NBR1: variants seen among roughly 807,000 people sequenced by gnomAD.
NBR1 encodes the protein next to BRCA1 gene 1 protein.
In NBR1, 59 loss-of-function variants were observed where a neutral mutation model predicts 115.5. The ratio of observed to expected loss-of-function variants is 0.51; its 90% CI spans 0.41 to 0.63. NBR1 has a LOEUF of 0.63. Ranked by LOEUF, NBR1 falls within the 30% of genes least tolerant of loss-of-function variation. NBR1 has a pLI of 0.00. For synonymous variants in NBR1, 373 were observed against 414.7 expected (o/e 0.90, Z 1.22); for missense variants, 1,043 against 1,150.5 (o/e 0.91, Z 1.35).
Position 43,196,602 on chromosome 17 carries a change from A to G in NBR1, c.1861+11A>G. ...TTAAAGCACTTCCTGGTAAGGGATT[A>G]AACATTTGTAAAGTATTTGCATCCT... On this transcript the variant is annotated intron_variant, in intron 15 of 20. Transcript: ENST00000590996. 6.5e-7 allele frequency: 1 copy of G among 1,543,398 alleles called. No individual in the cohort carries two copies. The highest frequency in any genetic ancestry group is 8.8e-7 in the Non-Finnish European group (1 of 1,130,296).
chr17:43,194,300 T>C (rs759127066), intron 12 of NBR1, 50 bp from the exon 13 acceptor site: 1 of 1,531,728 alleles, frequency 6.5e-7, no homozygotes, highest in Admixed American at 2.0e-5. Flanking sequence ...AGCCTGCCTC[T>C]TCAGTTCTGT....
At chr17:43,196,206 A>G (rs956975581) in intron 14 of NBR1, 3 of 235,456 alleles carry the variant, frequency 1.3e-5, no homozygotes, top group Non-Finnish European at 2.2e-5. Context: ...CCCTCTAGAT[A>G]CTTGTGTCCT....
chr17:43,191,259 CAAAA>C, intron 9 of NBR1, 109 bp from the exon 10 acceptor site: 1 of 778,366 alleles, frequency 1.3e-6, no homozygotes, highest in Non-Finnish European at 2.1e-6. Context: ...AATTCTAAAA[CAAAA>C]AAAGAAATTA....
At position 43,191,393 on chromosome 17, in the gene NBR1, G is replaced by C. The variant is rs1190292275; in HGVS notation, c.885G>C (p.Lys295Asn). Reference protein sequence around the residue: ...EQVRLQKQVDKNFLKAEKQRL... With the variant: ...EQVRLQKQVDNNFLKAEKQRL... ...ACAGGCTCCAGAAACAGGTTGATAA[G>C]AACTTTCTTAAAGCAGAAAAGCAAA... The change falls in exon 10 of 21, where the codon AAG becomes AAC. Residue 295 changes from lysine to asparagine, a missense_variant. By Grantham distance (94) the Lys-to-Asn change is moderately conservative. Coordinates refer to ENST00000590996, the MANE Select transcript of NBR1 (RefSeq NM_005899.5). 13 of 1,612,942 alleles carry C rather than the reference G, an allele frequency of 8.1e-6. No homozygotes were observed. Among genetic ancestry groups the C allele is most frequent in the Middle Eastern group, 1.7e-4 (1 of 6,060 alleles).
intron 20 of NBR1, among the ~76,000 whole-genome samples, chr17:43,208,263 G>A (rs548074746): frequency 6.6e-5 from 10 of 152,296 alleles, no homozygotes; most frequent in African/African-American, 2.4e-4. Flanking sequence ...TTAGAGATGG[G>A]CAAGCCAGCA....
chr17:43,209,455 A>T, intron 20 of NBR1: 1 of 899,350 alleles, frequency 1.1e-6, no homozygotes, highest in African/African-American at 1.7e-5. Flanking sequence ...TTTTTTGTCC[A>T]GCTCCTCTGC....
intron 19 of NBR1, 21 bp downstream of exon 19, chr17:43,202,733 C>CT: frequency 1.9e-6 from 3 of 1,552,214 alleles, no homozygotes; most frequent in Non-Finnish European, 2.6e-6. Context: ...TGTGCAGTCT[C>CT]TTTTTTCAGA....
intron 17 of NBR1, among the ~76,000 whole-genome samples, 173 bp from the exon 18 acceptor site, chr17:43,201,513 A>T (rs879204812): frequency 6.6e-6 from 1 of 152,232 alleles, no homozygotes; most frequent in South Asian, 2.1e-4. Flanking sequence ...TAAAGAGGAA[A>T]ATGGGGTAGA....
At chr17:43,199,354 C>T (rs2057142365) in intron 16 of NBR1, among the ~76,000 whole-genome samples, 1 of 151,516 alleles carries the variant, frequency 6.6e-6, no homozygotes, top group South Asian at 2.1e-4. Context: ...GGATTTTAGG[C>T]GTAAGCCACC....
chr17:43,178,410 T>C (rs533688787), intron 3 of NBR1, among the ~76,000 whole-genome samples: 1 of 145,666 alleles, frequency 6.9e-6, no homozygotes, highest in South Asian at 2.3e-4. Flanking sequence ...GAAGCCTCAC[T>C]CCATAACCTA....
chr17:43,207,734 C>T (rs138549965), intron 20 of NBR1, among the ~76,000 whole-genome samples: 2 of 152,168 alleles, frequency 1.3e-5, no homozygotes, highest in Admixed American at 6.5e-5. Flanking sequence ...AGTTGTTATA[C>T]GGTATTCGGG....
At chr17:43,193,025 G>A in intron 10 of NBR1, 69 bp from the exon 11 acceptor site, 1 of 1,488,294 alleles carries the variant, frequency 6.7e-7, no homozygotes, top group East Asian at 2.3e-5. Context: ...AGACTCTCAA[G>A]CTAGTGTGAG....
At chr17:43,181,845 G>C (rs1244297010) in intron 5 of NBR1, among the ~76,000 whole-genome samples, 1 of 152,040 alleles carries the variant, frequency 6.6e-6, no homozygotes, top group East Asian at 1.9e-4. Flanking sequence ...TTAGCCAGGT[G>C]TGGTGGTGCA....
chr17:43,194,639 T>A, intron 13 of NBR1, 140 bp downstream of exon 13: 2,226 of 769,354 alleles, frequency 2.9e-3, no homozygotes, highest in Non-Finnish European at 4.4e-3. Flanking sequence ...GGGAAGGAGA[T>A]CACCCATGGA....
At chr17:43,200,951 C>T (rs1649889035) in intron 17 of NBR1, among the ~76,000 whole-genome samples, 1 of 151,602 alleles carries the variant, frequency 6.6e-6, no homozygotes, top group Admixed American at 6.6e-5. Flanking sequence ...TCACTGCCAC[C>T]TCTGCCTCTG....
rs748290688 is a variant in NBR1 at position 43,200,497 on chromosome 17, GGGAGAACCAGCCACA to G, written c.2362_2376del (p.Asn788_Glu792del). The G allele has an allele frequency of 6.2e-7, 1 of 1,613,852 alleles. No individual in the cohort carries two copies. Among genetic ancestry groups the G allele is most frequent in the Non-Finnish European group, 8.5e-7 (1 of 1,179,860 alleles). Reference sequence around the variant, plus strand: ...GAGGCTGGGGAAAGACTCCCTGGAGGGGAGAACCAGCCACAGGAGCACAGCATAAGTGACATCCTC... The same window carrying G: ...GAGGCTGGGGAAAGACTCCCTGGAGGGGAGCACAGCATAAGTGACATCCTC... On this transcript the variant is annotated inframe_deletion, in exon 17 of 21. Transcript: ENST00000590996.
chr17:43,189,552 C>A (rs756195935), intron 7 of NBR1, 36 bp from the exon 8 acceptor site: 4 of 1,502,872 alleles, frequency 2.7e-6, no homozygotes, highest in Middle Eastern at 1.7e-4. Flanking sequence ...GATATTGGAA[C>A]TGAGTTTTTT....
chr17:43,187,760 G>A (rs1168430882), intron 6 of NBR1, among the ~76,000 whole-genome samples: 2 of 151,576 alleles, frequency 1.3e-5, no homozygotes, highest in East Asian at 1.9e-4. Context: ...CGCCCACCTC[G>A]GCCTCCCAAA....
At chr17:43,202,583 G>A (rs573035495) in intron 18 of NBR1, 72 bp from the exon 19 acceptor site, 2 of 1,081,548 alleles carry the variant, frequency 1.8e-6, no homozygotes, top group African/African-American at 3.2e-5. Context: ...CTCAATAATA[G>A]CCTTGCTGTG....
Sources: allele counts gnomAD v4.1 joint callset (sites outside exome capture counted in the v4.1 genomes callset), GRCh38; gene constraint gnomAD v4.1.1; transcripts MANE v1.5; gene names NCBI Gene and HGNC (gene_info 2026-07-23, HGNC 2026-07-21).